IGSF11: variants seen among roughly 807,000 people sequenced by gnomAD.
The protein encoded by IGSF11 is CXADR like 1.
IGSF11 carries 22 observed loss-of-function variants against 41.0 expected under a neutral mutation model. The ratio of observed to expected loss-of-function variants is 0.54; its 90% CI spans 0.38 to 0.77. IGSF11 has a LOEUF of 0.77. Among genes scored for constraint, IGSF11 ranks in the 30% least tolerant of loss-of-function variants. IGSF11 has a pLI of 0.00. For synonymous variants in IGSF11, 219 were observed against 201.3 expected (o/e 1.09, Z -0.74); for missense variants, 444 against 530.8 (o/e 0.84, Z 1.61).
intron 1 of IGSF11, among the ~76,000 whole-genome samples, chr3:119,045,484 G>A (rs866805632): frequency 2.6e-5 from 4 of 152,188 alleles, no homozygotes; most frequent in African/African-American, 7.2e-5. Flanking sequence ...CACATGGCTC[G>A]GAGGGTCCTA....
At chr3:118,980,023 G>C (rs1257730551) in intron 1 of IGSF11, among the ~76,000 whole-genome samples, 1 of 152,146 alleles carries the variant, frequency 6.6e-6, no homozygotes, top group African/African-American at 2.4e-5. Context: ...GCAGATGTTA[G>C]TGAGGATGTG....
intron 1 of IGSF11, among the ~76,000 whole-genome samples, chr3:119,089,268 G>T (rs532528035): frequency 6.6e-6 from 1 of 152,034 alleles, no homozygotes; most frequent in East Asian, 1.9e-4. Context: ...TAGAAGGCTG[G>T]TTCAACATAC....
chr3:118,996,756 T>C (rs1055385384), intron 1 of IGSF11, among the ~76,000 whole-genome samples: 1 of 152,052 alleles, frequency 6.6e-6, no homozygotes, highest in Admixed American at 6.6e-5. Context: ...CTTGCCACAA[T>C]GCCTGGCTAA....
intron 1 of IGSF11, among the ~76,000 whole-genome samples, chr3:119,084,572 C>T (rs2076639630): frequency 6.6e-6 from 1 of 152,170 alleles, no homozygotes; most frequent in African/African-American, 2.4e-5. Context: ...TCTAATCTCC[C>T]AGCTAATCAC....
intron 1 of IGSF11, among the ~76,000 whole-genome samples, chr3:119,008,664 C>T (rs1462442275): frequency 6.6e-6 from 1 of 152,314 alleles, no homozygotes; most frequent in Middle Eastern, 3.4e-3. Context: ...ATCTCTTCTA[C>T]AAAGAAACAT....
chr3:118,996,183 C>A (rs974443372), intron 1 of IGSF11, among the ~76,000 whole-genome samples: 3 of 152,148 alleles, frequency 2.0e-5, no homozygotes, highest in Non-Finnish European at 4.4e-5. Context: ...TAGTAATTCC[C>A]AAAATTGAAC....
intron 1 of IGSF11, among the ~76,000 whole-genome samples, chr3:119,066,584 T>C (rs1942240556): frequency 6.6e-6 from 1 of 152,208 alleles, no homozygotes; most frequent in Non-Finnish European, 1.5e-5. Flanking sequence ...TCTGTGAGAT[T>C]GTTGTTAAAT....
At chr3:118,928,212 G>A (rs1458892821) in intron 3 of IGSF11, among the ~76,000 whole-genome samples, 1 of 152,198 alleles carries the variant, frequency 6.6e-6, no homozygotes, top group Non-Finnish European at 1.5e-5. Flanking sequence ...AATAAGTTCT[G>A]TACTGTAGAA....
intron 1 of IGSF11, among the ~76,000 whole-genome samples, chr3:118,982,138 G>A (rs140703413): frequency 6.6e-6 from 1 of 152,154 alleles, no homozygotes; most frequent in Admixed American, 6.5e-5. Context: ...ACCTGGTCAT[G>A]AGTTAGACAC....
At chr3:118,937,971 T>C (rs1943399156) in intron 1 of IGSF11, among the ~76,000 whole-genome samples, 1 of 152,132 alleles carries the variant, frequency 6.6e-6, no homozygotes, top group Non-Finnish European at 1.5e-5. Flanking sequence ...GCACACTCTT[T>C]AGATTATCAC....
intron 1 of IGSF11, among the ~76,000 whole-genome samples, chr3:119,125,898 A>G (rs1415212247): frequency 6.6e-6 from 1 of 152,202 alleles, no homozygotes; most frequent in East Asian, 1.9e-4. Context: ...CGTGCAACCC[A>G]CAGATCAGAA....
At chr3:119,076,149 A>T (rs1451602754) in intron 1 of IGSF11, among the ~76,000 whole-genome samples, 2 of 152,246 alleles carry the variant, frequency 1.3e-5, no homozygotes, top group African/African-American at 2.4e-5. Flanking sequence ...TGACAAAAAC[A>T]AGAAATGGGG....
intron 1 of IGSF11, among the ~76,000 whole-genome samples, chr3:118,996,121 C>T (rs1035468962): frequency 1.1e-4 from 16 of 152,148 alleles, no homozygotes; most frequent in Non-Finnish European, 1.0e-4. Flanking sequence ...GGAAATGACT[C>T]GGTTGATAAA....
chr3:119,121,571 T>C (rs1231954167), intron 1 of IGSF11, among the ~76,000 whole-genome samples: 2 of 151,700 alleles, frequency 1.3e-5, no homozygotes, highest in Non-Finnish European at 2.9e-5. Context: ...CTCAGAGATA[T>C]ACAAGAAACT....
intron 1 of IGSF11, among the ~76,000 whole-genome samples, chr3:119,116,189 G>A (rs1156327445): frequency 6.6e-6 from 1 of 152,174 alleles, no homozygotes; most frequent in African/African-American, 2.4e-5. Flanking sequence ...CCCAATACAG[G>A]TGGGCATCAT....
At chr3:118,924,424 A>G (rs1306549874) in intron 4 of IGSF11, among the ~76,000 whole-genome samples, 1 of 152,124 alleles carries the variant, frequency 6.6e-6, no homozygotes, top group Non-Finnish European at 1.5e-5. Flanking sequence ...CTATTTTGAG[A>G]TCAACTTTAT....
At chr3:118,907,519 G>A (rs138240170) in intron 4 of IGSF11, among the ~76,000 whole-genome samples, 33 of 152,206 alleles carry the variant, frequency 2.2e-4, no homozygotes, top group African/African-American at 7.9e-4. Context: ...TAGACTACAG[G>A]GGAGGAGAAA....
At chr3:118,998,869 T>G (rs932279837) in intron 1 of IGSF11, among the ~76,000 whole-genome samples, 11 of 152,136 alleles carry the variant, frequency 7.2e-5, no homozygotes, top group African/African-American at 2.7e-4. Context: ...AAACAGTATG[T>G]ACAAAGTTAT....
chr3:118,976,985 T>G (rs2107628846), intron 1 of IGSF11, among the ~76,000 whole-genome samples: 1 of 152,348 alleles, frequency 6.6e-6, no homozygotes, highest in South Asian at 2.1e-4. Context: ...CAGCTGCTCT[T>G]AGGGGTCTAA....
Sources: gnomAD v4.1 joint callset for allele counts (sites outside exome capture counted in the v4.1 genomes callset) on GRCh38, gnomAD v4.1.1 for gene constraint, MANE v1.5 for transcripts, NCBI Gene and HGNC (gene_info 2026-07-23, HGNC 2026-07-21) for gene names.